Variants in MYT1L observed in about 807,000 individuals in gnomAD.
MYT1L encodes the protein myelin transcription factor 1 like.
MYT1L carries 12 observed loss-of-function variants against 126.7 expected under a neutral mutation model. The ratio of observed to expected loss-of-function variants is 0.09; its 90% CI spans 0.06 to 0.15. MYT1L has a LOEUF of 0.15. Ranked by LOEUF, MYT1L falls within the 10% of genes least tolerant of loss-of-function variation. MYT1L has a pLI of 1.00. For missense variants in MYT1L, 979 were observed against 1,585.2 expected (o/e 0.62, Z 6.49); for synonymous variants, 541 against 604.2 (o/e 0.90, Z 1.53).
chr2:2,291,412 G>A (rs1412875810), intron 1 of MYT1L, among the ~76,000 whole-genome samples: 5 of 152,216 alleles, frequency 3.3e-5, no homozygotes, highest in African/African-American at 9.6e-5. Flanking sequence ...CATGACTTCA[G>A]AAGAAGATTT....
intron 3 of MYT1L, among the ~76,000 whole-genome samples, chr2:2,090,368 GAT>G (rs1410976687): frequency 6.6e-6 from 1 of 152,182 alleles, no homozygotes; most frequent in Non-Finnish European, 1.5e-5. Context: ...GCATATAAAT[GAT>G]ATGTTTACAC....
intron 3 of MYT1L, among the ~76,000 whole-genome samples, chr2:2,133,634 T>A (rs62116727): frequency 0.016 from 2,490 of 152,248 alleles, 41 homozygotes; most frequent in Middle Eastern, 0.034. Context: ...AATAGCTGAT[T>A]AATTTTTTTT....
chr2:2,043,669 C>T (rs372079239), intron 4 of MYT1L, among the ~76,000 whole-genome samples: 9 of 152,140 alleles, frequency 5.9e-5, no homozygotes, highest in Non-Finnish European at 1.0e-4. Flanking sequence ...CCCTTCACCC[C>T]CTTCCTTGCC....
At chr2:2,211,744 G>T (rs1381142149) in intron 2 of MYT1L, among the ~76,000 whole-genome samples, 1 of 148,698 alleles carries the variant, frequency 6.7e-6, no homozygotes, top group East Asian at 2.0e-4. Context: ...GGCAGAGGTT[G>T]CAGTGAGCCA....
At chr2:2,153,402 C>T (rs2086146185) in intron 3 of MYT1L, among the ~76,000 whole-genome samples, 2 of 152,184 alleles carry the variant, frequency 1.3e-5, no homozygotes, top group African/African-American at 4.8e-5. Context: ...TGGGGCTTTG[C>T]CCAAGCAGTC....
intron 4 of MYT1L, among the ~76,000 whole-genome samples, chr2:2,039,625 G>T (rs1177973531): frequency 6.6e-6 from 1 of 152,206 alleles, no homozygotes. Flanking sequence ...GAACGTCACA[G>T]GTTCTCCACC....
chr2:1,900,133 AC>A (rs1175631351), intron 14 of MYT1L, among the ~76,000 whole-genome samples: 1 of 152,166 alleles, frequency 6.6e-6, no homozygotes, highest in Non-Finnish European at 1.5e-5. Flanking sequence ...TTCTTTGTGC[AC>A]CTGAAGCAAG....
At chr2:1,981,918 A>C (rs969069463) in intron 5 of MYT1L, among the ~76,000 whole-genome samples, 1 of 152,104 alleles carries the variant, frequency 6.6e-6, no homozygotes, top group Non-Finnish European at 1.5e-5. Flanking sequence ...GGTTTAAAAA[A>C]CTTTCTGATG....
chr2:1,970,983 A>G (rs992339863), intron 8 of MYT1L, among the ~76,000 whole-genome samples: 20 of 152,324 alleles, frequency 1.3e-4, no homozygotes, highest in Admixed American at 1.3e-3. Context: ...ATCTGAAAAT[A>G]ACTATGTTCC....
chr2:2,010,239 C>T (rs923741482), intron 4 of MYT1L, among the ~76,000 whole-genome samples: 6 of 152,148 alleles, frequency 3.9e-5, no homozygotes, highest in African/African-American at 1.4e-4. Context: ...GACGTACAGG[C>T]AGCAGGGGAT....
chr2:1,994,784 AT>A (rs1432332491), intron 5 of MYT1L, among the ~76,000 whole-genome samples: 2 of 152,346 alleles, frequency 1.3e-5, no homozygotes, highest in East Asian at 3.9e-4. Context: ...AAATTCAAAT[AT>A]GTTTTGCCAT....
intron 2 of MYT1L, among the ~76,000 whole-genome samples, chr2:2,186,212 C>G (rs1195353327): frequency 7.9e-6 from 1 of 126,170 alleles, no homozygotes; most frequent in Admixed American, 8.0e-5. Flanking sequence ...CGGGCCTTCC[C>G]GAGTCCCGCG....
At position 2,207,798 on chromosome 2, in the gene MYT1L, C is replaced by A. The variant is rs1045778983; in HGVS notation, c.-420-34810G>T. Among the ~76,000 whole-genome samples, 4 of 152,192 alleles carry A rather than the reference C, an allele frequency of 2.6e-5. No homozygotes were observed. In the East Asian group the frequency reaches 7.7e-4, roughly 29 times the overall value. On this transcript the variant is annotated intron_variant, in intron 2 of 24. Transcript: ENST00000647738. ...TCTAAAGGATTATAAATCCTTGAAA[C>A]ACACTCATGTATGGTTGGGTGATTA...
chr2:1,842,961 G>C (rs866314492), intron 19 of MYT1L: 4 of 169,006 alleles, frequency 2.4e-5, no homozygotes, highest in Non-Finnish European at 4.9e-5. Flanking sequence ...CCGCTTCCAG[G>C]CGCGCGGTGC....
intron 2 of MYT1L, among the ~76,000 whole-genome samples, chr2:2,206,728 C>T (rs543096507): frequency 2.0e-5 from 3 of 152,338 alleles, no homozygotes; most frequent in South Asian, 2.1e-4. Flanking sequence ...ACCCCCAAAG[C>T]GAATCCACAG....
intron 21 of MYT1L, chr2:1,825,567 G>A (rs1453043203): frequency 6.6e-6 from 1 of 152,146 alleles, no homozygotes; most frequent in African/African-American, 2.4e-5. Flanking sequence ...GAACGTCAAA[G>A]TTTTTTGTTT....
chr2:1,901,400 T>G (rs191099612), intron 14 of MYT1L, among the ~76,000 whole-genome samples: 23 of 152,306 alleles, frequency 1.5e-4, no homozygotes, highest in African/African-American at 5.3e-4. Context: ...ATCCTTCACT[T>G]GTAGATGAAC....
At chr2:2,023,893 G>A (rs189560912) in intron 4 of MYT1L, among the ~76,000 whole-genome samples, 15 of 152,136 alleles carry the variant, frequency 9.9e-5, no homozygotes, top group Admixed American at 6.5e-5. Flanking sequence ...AAGATTGAGC[G>A]GTGTTCACTG....
chr2:2,283,881 C>T (rs1036372852), intron 2 of MYT1L, among the ~76,000 whole-genome samples: 1 of 152,184 alleles, frequency 6.6e-6, no homozygotes, highest in African/African-American at 2.4e-5. Context: ...CGACCTCCCT[C>T]TGCCTCAGTT....
Sources: gnomAD v4.1 joint callset for allele counts (sites outside exome capture counted in the v4.1 genomes callset) on GRCh38, gnomAD v4.1.1 for gene constraint, MANE v1.5 for transcripts, NCBI Gene and HGNC (gene_info 2026-07-23, HGNC 2026-07-21) for gene names.